ARHGEF4: variants seen among roughly 807,000 people sequenced by gnomAD.
ARHGEF4 encodes APC-stimulated guanine nucleotide exchange factor 1.
A neutral mutation model predicts 162.0 loss-of-function variants in ARHGEF4; 119 were observed. That is an observed-to-expected ratio of 0.73 (90% CI 0.63 to 0.86). ARHGEF4 has a LOEUF of 0.86. Among genes scored for constraint, ARHGEF4 ranks in the 40% least tolerant of loss-of-function variants. The probability of loss-of-function intolerance (pLI) is 0.00; values close to 1 mark genes in which losing one functional copy is unlikely to be tolerated. For missense variants in ARHGEF4, 2,488 were observed against 2,456.0 expected (o/e 1.01, Z -0.28); for synonymous variants, 1,014 against 979.9 (o/e 1.03, Z -0.65).
At chr2:130,883,906 T>C (rs1175369631) in intron 1 of ARHGEF4, among the ~76,000 whole-genome samples, 1 of 152,138 alleles carries the variant, frequency 6.6e-6, no homozygotes, top group African/African-American at 2.4e-5. Context: ...CTATAAAATA[T>C]GGAATAATAG....
chr2:131,010,506 G>A (rs1688377427), intron 4 of ARHGEF4, among the ~76,000 whole-genome samples: 1 of 152,022 alleles, frequency 6.6e-6, no homozygotes, highest in East Asian at 1.9e-4. Flanking sequence ...TGATTGAGAG[G>A]GATATTTTTT....
intron 4 of ARHGEF4, among the ~76,000 whole-genome samples, chr2:131,005,690 G>T (rs935713993): frequency 6.6e-6 from 1 of 152,182 alleles, no homozygotes; most frequent in Admixed American, 6.5e-5. Flanking sequence ...AGGTGGGAGG[G>T]GAGGGGCGGG....
Position 130,914,580 on chromosome 2 carries a change from T to G in ARHGEF4, c.634T>G (p.Ser212Ala). Reference protein sequence around the residue: ...VQDLRGLSSVSLQKSRSESYL... With the variant: ...VQDLRGLSSVALQKSRSESYL... ...AGACCTCAGAGGGCTCTCCAGTGTT[T>G]CTCTTCAGAAATCCAGGTCTGAGAG... Residue 212 changes from serine (S) to alanine (A), a missense_variant, in exon 2 of 14, where the codon TCT becomes GCT. By Grantham distance (99) the Ser-to-Ala change is moderately conservative. Coordinates refer to ENST00000409359, the MANE Select transcript of ARHGEF4 (RefSeq NM_001367493.1). The G allele has an allele frequency of 2.2e-6, 3 of 1,391,822 alleles. No homozygotes were observed. The highest frequency in any genetic ancestry group is 1.4e-5 in the African/African-American group (1 of 69,124). The allele number at this position is 1,391,822 out of a possible 1,614,324, so 86.2% of individuals were successfully genotyped here.
chr2:130,966,058 T>C (rs186833724), intron 4 of ARHGEF4, among the ~76,000 whole-genome samples: 139 of 152,168 alleles, frequency 9.1e-4, no homozygotes, highest in Non-Finnish European at 1.5e-3. Flanking sequence ...CCACTAAGGG[T>C]AGGCTCTGGG....
At chr2:131,022,037 T>G (rs1689166189) in intron 4 of ARHGEF4, among the ~76,000 whole-genome samples, 1 of 152,240 alleles carries the variant, frequency 6.6e-6, no homozygotes, top group African/African-American at 2.4e-5. Context: ...TTCAATATGC[T>G]GCTGAATTCC....
intron 10 of ARHGEF4, among the ~76,000 whole-genome samples, chr2:131,042,911 G>C (rs1690927319): frequency 2.0e-5 from 3 of 152,312 alleles, no homozygotes; most frequent in South Asian, 4.1e-4. Context: ...CCTCCTTAGA[G>C]ATCTCAAAGG....
chr2:131,032,342 C>T (rs1181521180), intron 5 of ARHGEF4, among the ~76,000 whole-genome samples: 1 of 152,066 alleles, frequency 6.6e-6, no homozygotes, highest in Admixed American at 6.5e-5. Flanking sequence ...TTGGTCACCC[C>T]TCATGGAGTC....
intron 4 of ARHGEF4, among the ~76,000 whole-genome samples, chr2:130,980,131 T>C (rs1345722074): frequency 6.6e-6 from 1 of 152,196 alleles, no homozygotes; most frequent in Non-Finnish European, 1.5e-5. Flanking sequence ...GCATGGTGGC[T>C]CATGCTTGTA....
chr2:130,936,648 C>A (rs1682959162), intron 3 of ARHGEF4, among the ~76,000 whole-genome samples: 1 of 152,062 alleles, frequency 6.6e-6, no homozygotes, highest in African/African-American at 2.4e-5. Flanking sequence ...AGCTGTTAAT[C>A]TTATTCAGAA....
intron 1 of ARHGEF4, among the ~76,000 whole-genome samples, chr2:130,871,161 C>A (rs114225037): frequency 0.034 from 5,251 of 152,260 alleles, 108 homozygotes; most frequent in Middle Eastern, 0.082. Context: ...CTCTCTCAAC[C>A]CCACAATGGC....
chr2:130,931,598 A>ACACT (rs1349057388), intron 3 of ARHGEF4, among the ~76,000 whole-genome samples: 1 of 152,244 alleles, frequency 6.6e-6, no homozygotes, highest in African/African-American at 2.4e-5. Context: ...ACATGATTAG[A>ACACT]CACTGCCCTA....
chr2:130,921,490 T>C (rs1470469307), intron 2 of ARHGEF4, among the ~76,000 whole-genome samples: 1 of 152,196 alleles, frequency 6.6e-6, no homozygotes, highest in Non-Finnish European at 1.5e-5. Flanking sequence ...TCTTTAGTCA[T>C]ACTAAATACT....
At chr2:130,977,389 TTGTG>T (rs1458820282) in intron 4 of ARHGEF4, among the ~76,000 whole-genome samples, 1 of 151,788 alleles carries the variant, frequency 6.6e-6, no homozygotes, top group Non-Finnish European at 1.5e-5. Context: ...GTTGTGTGTG[TTGTG>T]TGATGTGTTT....
Position 130,899,965 on chromosome 2 carries a change from T to C in ARHGEF4, c.40-14021T>C, listed in dbSNP as rs543408520. On this transcript the variant is annotated intron_variant, in intron 1 of 13. Transcript: ENST00000409359. ...TCAATTCTGTGTATTTTTAAAACTT[T>C]CCTTGAGACTTCCTCTTTGAACTAT... Among the ~76,000 whole-genome samples the C allele has an allele frequency of 3.3e-5, 5 of 152,360 alleles. No homozygotes were observed. In the South Asian group the frequency reaches 1.0e-3, roughly 32 times the overall value.
At chr2:130,956,302 T>C (rs935506675) in intron 4 of ARHGEF4, among the ~76,000 whole-genome samples, 1 of 152,056 alleles carries the variant, frequency 6.6e-6, no homozygotes, top group Non-Finnish European at 1.5e-5. Context: ...ATGGCAATCA[T>C]TAAATAGTCA....
chr2:131,032,394 C>T (rs564776142), intron 5 of ARHGEF4, among the ~76,000 whole-genome samples: 54 of 152,130 alleles, frequency 3.5e-4, no homozygotes, highest in East Asian at 7.8e-4. Flanking sequence ...CCTGAGTTCC[C>T]GTGCCGCTGG....
At chr2:130,846,354 G>T (rs1311591425) in intron 1 of ARHGEF4, among the ~76,000 whole-genome samples, 2 of 152,214 alleles carry the variant, frequency 1.3e-5, no homozygotes, top group Non-Finnish European at 2.9e-5. Context: ...CGGGTGCTGG[G>T]ATCCCAGGAG....
At chr2:130,894,413 C>G (rs1680034532) in intron 1 of ARHGEF4, among the ~76,000 whole-genome samples, 1 of 152,000 alleles carries the variant, frequency 6.6e-6, no homozygotes, top group Non-Finnish European at 1.5e-5. Context: ...AGTTCAGAGC[C>G]CCTGGGTTGC....
At chr2:130,983,361 G>A (rs911333988) in intron 4 of ARHGEF4, among the ~76,000 whole-genome samples, 16 of 152,124 alleles carry the variant, frequency 1.1e-4, no homozygotes, top group African/African-American at 3.9e-4. Context: ...ACCAATAACA[G>A]TCTGACTTAT....
Sources: gnomAD v4.1 joint callset for allele counts (sites outside exome capture counted in the v4.1 genomes callset) on GRCh38, gnomAD v4.1.1 for gene constraint, MANE v1.5 for transcripts, NCBI Gene and HGNC (gene_info 2026-07-23, HGNC 2026-07-21) for gene names.